HMCN1: variants seen among roughly 807,000 people sequenced by gnomAD.
HMCN1 encodes hemicentin 1.
Under a neutral mutation model 625.9 loss-of-function variants are expected in HMCN1, and 321 were observed. The observed-to-expected ratio is 0.51, with a 90% CI of 0.47 to 0.56. HMCN1 has a LOEUF of 0.56. Among genes scored for constraint, HMCN1 ranks in the 20% least tolerant of loss-of-function variants. The pLI, the probability that HMCN1 is intolerant of heterozygous loss-of-function variation, is 0.00. For missense variants in HMCN1, 6,588 were observed against 6,887.3 expected (o/e 0.96, Z 1.54); for synonymous variants, 2,425 against 2,417.6 (o/e 1.00, Z -0.09).
intron 2 of HMCN1, among the ~76,000 whole-genome samples, chr1:185,848,758 T>G (rs1449412122): frequency 6.6e-6 from 1 of 152,176 alleles, no homozygotes; most frequent in African/African-American, 2.4e-5. Flanking sequence ...ATCTGGATAC[T>G]TCCTTAATAC....
In HMCN1 at chr1:186,090,887, C is replaced by A. The variant is rs1266137738; in HGVS notation, c.9857C>A (p.Pro3286His). ...ATTCAATGGCTTAAAGATGGAAAGC[C>A]CATAGCTAGTGGTGAAACAGAAAGA... ...PLIQWLKDGKPIASGETERIR... is the reference protein window; with the variant it reads ...PLIQWLKDGKHIASGETERIR... Residue 3286 changes from proline (P) to histidine (H), a missense_variant, in exon 64 of 107, where the codon CCC becomes CAC. Physicochemically the swap from Pro to His is moderately conservative, Grantham distance 77. Transcript: ENST00000271588. 3.7e-6 allele frequency: 6 copies of A among 1,612,162 alleles called. No homozygotes were observed. The highest frequency in any genetic ancestry group is 5.1e-6 in the Non-Finnish European group (6 of 1,178,766).
In HMCN1 at chr1:186,087,293, T is replaced by C. The variant is rs758529855; in HGVS notation, c.9123T>C (p.Ala3041=). The C allele has an allele frequency of 5.6e-6, 9 of 1,613,220 alleles. No homozygotes were observed. The highest frequency in any genetic ancestry group is 1.6e-4 in the Middle Eastern group (1 of 6,076). Residue 3041 remains alanine (A), a synonymous_variant, in exon 59 of 107, where the codon GCT becomes GCC. Coordinates refer to ENST00000271588, the MANE Select transcript of HMCN1 (RefSeq NM_031935.3). The part of the protein sequence containing the change: ...GEYTCIAINQ[A]GESKKKFSLT... ...ACACTTGTATAGCTATCAATCAAGC[T>C]GGCGAAAGCAAGAAAAAGTTTTCCC...
intron 4 of HMCN1, among the ~76,000 whole-genome samples, chr1:185,894,542 A>T (rs1665370055): frequency 6.6e-6 from 1 of 152,196 alleles, no homozygotes; most frequent in Non-Finnish European, 1.5e-5. Flanking sequence ...ACTGGGCATG[A>T]TTGTTCATCC....
In HMCN1 at chr1:186,123,150, T is replaced by C. The variant is rs1346834879; in HGVS notation, c.12429T>C (p.Ala4143=). 1.2e-6 allele frequency: 2 copies of C among 1,614,040 alleles called. No homozygotes were observed. Among genetic ancestry groups the C allele is most frequent in the South Asian group, 1.1e-5 (1 of 91,080 alleles). ...LQIAFVQPGD[A]GHYTCMAANV... ...TAGCATTTGTCCAGCCTGGTGATGC[T>C]GGCCATTACACGTGCATGGCAGCCA... Residue 4143 remains alanine, a synonymous_variant, in exon 81 of 107, where the codon GCT becomes GCC. Coordinates refer to ENST00000271588, the MANE Select transcript of HMCN1 (RefSeq NM_031935.3).
intron 81 of HMCN1, 92 bp downstream of exon 81, chr1:186,123,312 C>A (rs953599307): frequency 1.4e-6 from 2 of 1,457,194 alleles, no homozygotes; most frequent in Non-Finnish European, 1.9e-6. Context: ...AAGTCAAAAA[C>A]CCTTAAACTC....
chr1:186,096,458 G>A (rs1660143813), intron 68 of HMCN1, among the ~76,000 whole-genome samples: 2 of 152,044 alleles, frequency 1.3e-5, no homozygotes, highest in Non-Finnish European at 2.9e-5. Flanking sequence ...CTTTCCAGGT[G>A]GATTAAAGGG....
At chr1:186,084,183 A>G (rs1659338570) in intron 57 of HMCN1, among the ~76,000 whole-genome samples, 2 of 152,092 alleles carry the variant, frequency 1.3e-5, no homozygotes, top group African/African-American at 4.8e-5. Context: ...ACTTTATTGT[A>G]AGTGCTCTAG....
intron 97 of HMCN1, among the ~76,000 whole-genome samples, chr1:186,160,387 A>AT (rs1159875568): frequency 6.8e-6 from 1 of 147,300 alleles, no homozygotes; most frequent in African/African-American, 2.5e-5. Flanking sequence ...GGATTCATTA[A>AT]TTTTTTGAAG....
chr1:186,102,351 AAC>A (rs1395219700), intron 68 of HMCN1, among the ~76,000 whole-genome samples: 1 of 152,150 alleles, frequency 6.6e-6, no homozygotes, highest in Non-Finnish European at 1.5e-5. Context: ...CCAGAAGGAA[AAC>A]AGAGACTAAC....
chr1:185,809,763 C>T (rs1047580357), intron 1 of HMCN1, among the ~76,000 whole-genome samples: 1 of 151,966 alleles, frequency 6.6e-6, no homozygotes, highest in Non-Finnish European at 1.5e-5. Flanking sequence ...TAGGTCTGTT[C>T]TACACTTGCC....
chr1:185,750,269 T>C (rs1045174519), intron 1 of HMCN1, among the ~76,000 whole-genome samples: 1 of 152,206 alleles, frequency 6.6e-6, no homozygotes. Flanking sequence ...GAATTTTTTG[T>C]ATTCTTTTTG....
chr1:185,905,161 G>A (rs1666027330), intron 4 of HMCN1, among the ~76,000 whole-genome samples: 1 of 151,726 alleles, frequency 6.6e-6, no homozygotes, highest in Non-Finnish European at 1.5e-5. Flanking sequence ...ATTGCACATG[G>A]ACAAAATACT....
chr1:186,088,832 G>A (rs1379363133), intron 63 of HMCN1, 77 bp downstream of exon 63: 3 of 1,369,206 alleles, frequency 2.2e-6, no homozygotes, highest in Non-Finnish European at 3.0e-6. Flanking sequence ...TACATTTAAA[G>A]GTATCAGTAG....
At chr1:186,181,532 T>C (rs1023148625) in intron 104 of HMCN1, among the ~76,000 whole-genome samples, 16 of 152,132 alleles carry the variant, frequency 1.1e-4, no homozygotes, top group Non-Finnish European at 2.2e-4. Context: ...AACAGAAGAA[T>C]AAATGAGATC....
At chr1:186,165,790 G>C (rs1377084216) in intron 98 of HMCN1, among the ~76,000 whole-genome samples, 1 of 152,194 alleles carries the variant, frequency 6.6e-6, no homozygotes, top group African/African-American at 2.4e-5. Context: ...GTAATGACTT[G>C]TATGACCTTA....
intron 43 of HMCN1, 103 bp from the exon 44 acceptor site, chr1:186,053,722 C>T (rs1657121595): frequency 1.8e-6 from 2 of 1,139,048 alleles, no homozygotes; most frequent in Non-Finnish European, 2.6e-6. Context: ...GTGTCATTTG[C>T]CTTTTATATA....
chr1:186,067,460 G>T (rs908650960), intron 49 of HMCN1, among the ~76,000 whole-genome samples: 1 of 152,012 alleles, frequency 6.6e-6, no homozygotes, highest in Non-Finnish European at 1.5e-5. Flanking sequence ...ATCGTTTAAG[G>T]CTCACTTTAA....
In HMCN1 at chr1:186,171,449, G is replaced by T. The variant is rs1331059211; in HGVS notation, c.15687G>T (p.Met5229Ile). ...PGYQLKGRKCMDVNECRQNVC... is the reference protein window; with the variant it reads ...PGYQLKGRKCIDVNECRQNVC... ...ATCAGCTCAAAGGCAGAAAATGCAT[G>T]GGTAAGAAAAGGGCTTTGAATTTAA... The change falls in exon 101 of 107, where the codon ATG (methionine) becomes ATT (isoleucine). Residue 5229 changes from methionine to isoleucine, a missense_variant and splice_region_variant. Met to Ile is a conservative substitution (Grantham distance 10). This residue lies in a region of HMCN1 where 1,954 missense variants were observed against 2,013.1 expected (regional missense o/e 0.97). Transcript: ENST00000271588. The T allele has an allele frequency of 6.2e-7, 1 of 1,606,574 alleles. No homozygotes were observed. The highest frequency in any genetic ancestry group is 8.5e-7 in the Non-Finnish European group (1 of 1,173,486).
chr1:185,787,560 G>T (rs1657708972), intron 1 of HMCN1, among the ~76,000 whole-genome samples: 1 of 152,218 alleles, frequency 6.6e-6, no homozygotes, highest in Non-Finnish European at 1.5e-5. Flanking sequence ...ACAAGGAAGA[G>T]AGAAAATCAT....
Sources: allele counts gnomAD v4.1 joint callset (sites outside exome capture counted in the v4.1 genomes callset), GRCh38; gene constraint gnomAD v4.1.1; regional missense constraint gnomAD v4.1.1; transcripts MANE v1.5; gene names NCBI Gene and HGNC (gene_info 2026-07-23, HGNC 2026-07-21).